The following CDCA7L variants were observed in gnomAD, a reference collection of about 807,000 sequenced individuals.
CDCA7L encodes cell division cycle associated 7 like.
Under a neutral mutation model 57.4 loss-of-function variants are expected in CDCA7L, and 44 were observed. That is an observed-to-expected ratio of 0.77 (90% confidence interval 0.60 to 0.98). The LOEUF (loss-of-function observed/expected upper bound fraction) is 0.98, where lower values mean the gene tolerates loss of function less well. Ranked by LOEUF, CDCA7L falls within the 50% of genes least tolerant of loss-of-function variation. The pLI is 0.00. For missense variants in CDCA7L, 644 were observed against 580.6 expected (o/e 1.11, Z -1.12); for synonymous variants, 236 against 202.8 (o/e 1.16, Z -1.39).
chr7:21,911,511 T>C, intron 3 of CDCA7L, 106 bp downstream of exon 3: 1 of 1,364,244 alleles, frequency 7.3e-7, no homozygotes, highest in Non-Finnish European at 9.8e-7. Flanking sequence ...GATAAATATG[T>C]AAGAAAAATC....
intron 6 of CDCA7L, among the ~76,000 whole-genome samples, chr7:21,905,984 G>T (rs902941994): frequency 1.3e-5 from 2 of 152,214 alleles, no homozygotes; most frequent in African/African-American, 4.8e-5. Context: ...AGGCAAGGAG[G>T]AATCACTGCA....
At position 21,940,973 on chromosome 7, in the gene CDCA7L, A is replaced by G. The variant is rs1340038291; in HGVS notation, c.24+4808T>C. ...ACAACATTCTTTCAGTCCAGTTATCATAAGCTTGGTTCTAACCTCAGCAAA... is the reference window on the plus strand; with the variant it reads ...ACAACATTCTTTCAGTCCAGTTATCGTAAGCTTGGTTCTAACCTCAGCAAA... On this transcript the variant is annotated intron_variant, in intron 1 of 9. Transcript: ENST00000406877. Among the ~76,000 whole-genome samples the G allele has an allele frequency of 2.0e-5, 3 of 152,244 alleles. No individual in the cohort carries two copies. The East Asian group carries it at 5.8e-4, about 29-fold the overall frequency.
In CDCA7L at chr7:21,930,783, G is replaced by C. The variant is rs1006907756; in HGVS notation, c.25-13889C>G. Among the ~76,000 whole-genome samples the C allele has an allele frequency of 2.1e-5, 3 of 145,984 alleles. No homozygotes were observed. The Admixed American group carries it at 2.1e-4, about 10-fold the overall frequency. On this transcript the variant is annotated intron_variant, in intron 1 of 9. Transcript: ENST00000406877. ...CTAGCAGAAGATAAGAAATAACTAA[G>C]ATCACAGCAGAACTGAAGGAGACAG...
chr7:21,923,053 A>G (rs890940162), intron 1 of CDCA7L, among the ~76,000 whole-genome samples: 10 of 152,260 alleles, frequency 6.6e-5, no homozygotes, highest in Non-Finnish European at 1.3e-4. Context: ...ATACAGATTC[A>G]GCTTTCCAAG....
chr7:21,908,393 T>G lies in CDCA7L; in HGVS notation c.418A>C (p.Ile140Leu). The G allele has an allele frequency of 6.2e-7, 1 of 1,608,950 alleles. No homozygotes were observed. The highest frequency in any genetic ancestry group is 8.5e-7 in the Non-Finnish European group (1 of 1,178,726). The change falls in exon 4 of 10, where the codon ATT becomes CTT. Residue 140 changes from isoleucine (I) to leucine (L), a missense_variant. Physicochemically the swap from Ile to Leu is conservative, Grantham distance 5 (BLOSUM62 2). Coordinates refer to ENST00000406877, the MANE Select transcript of CDCA7L (RefSeq NM_018719.5). ...PRRSRSRRSS[I>L]GLRVAFQFPT... is the part of the protein sequence containing the mutation. ...AACTGAAAGGCTACTCGAAGACCAA[T>G]ACTACTTCTTCTAGACCTGCTTCTT... is the stretch of plus-strand genomic sequence containing the variant.
In CDCA7L at chr7:21,904,157, G is replaced by C; in HGVS notation, c.1150C>G (p.Leu384Val). 1.9e-6 allele frequency: 3 copies of C among 1,613,284 alleles called. No individual in the cohort carries two copies. Among genetic ancestry groups the C allele is most frequent in the Non-Finnish European group, 2.5e-6 (3 of 1,179,662 alleles). Reference protein sequence around the residue: ...GVRGQFCGPCLRNRYGEDVRS... With the variant: ...GVRGQFCGPCVRNRYGEDVRS... ...ACATCCTCCCCATAGCGGTTCCGCA[G>C]GCATGGTCCACAGAACTGTCCTCGC... The change falls in exon 8 of 10, where the codon CTG (leucine) becomes GTG (valine). Residue 384 changes from leucine (L) to valine (V), a missense_variant. Leu to Val is a conservative substitution (Grantham distance 32). Transcript: ENST00000406877.
intron 1 of CDCA7L, among the ~76,000 whole-genome samples, chr7:21,925,987 C>A (rs1482513292): frequency 6.6e-6 from 1 of 152,064 alleles, no homozygotes; most frequent in Non-Finnish European, 1.5e-5. Context: ...ACCTGTAGTC[C>A]CAGCTACTTA....
chr7:21,903,171 C>A, intron 8 of CDCA7L, 57 bp from the exon 9 acceptor site: 1 of 1,554,862 alleles, frequency 6.4e-7, no homozygotes, highest in East Asian at 2.3e-5. Flanking sequence ...CTGGCAAGAA[C>A]TGGGATTCGG....
intron 1 of CDCA7L, among the ~76,000 whole-genome samples, chr7:21,930,759 TAGC>T (rs558091659): frequency 4.2e-4 from 60 of 143,444 alleles, no homozygotes; most frequent in African/African-American, 1.5e-3. Flanking sequence ...ATTCAAAAGC[TAGC>T]AGAAGATAAG....
chr7:21,932,554 G>C lies in CDCA7L; in HGVS notation c.24+13227C>G, dbSNP rs189008335. Among the ~76,000 whole-genome samples the C allele has an allele frequency of 3.9e-3, 600 of 152,244 alleles. 6 individuals are homozygous for C. The highest frequency in any genetic ancestry group is 0.013 in the African/African-American group (560 of 41,526). ...CTGACAAAAACAAGCAGTGGGGAAAGGATTCCCTATTTAATAAATGGTGCT... is the reference window on the plus strand; with the variant it reads ...CTGACAAAAACAAGCAGTGGGGAAACGATTCCCTATTTAATAAATGGTGCT... On this transcript the variant is annotated intron_variant, in intron 1 of 9. Coordinates refer to ENST00000406877, the MANE Select transcript of CDCA7L (RefSeq NM_018719.5).
intron 9 of CDCA7L, chr7:21,902,601 T>TAACTCACATTCTGTCCTC: frequency 2.0e-6 from 1 of 502,422 alleles, no homozygotes; most frequent in South Asian, 2.4e-5. Flanking sequence ...ATGAAACTTG[T>TAACTCACATTCTGTCCTC]AACTCACATT....
chr7:21,908,862 A>G (rs914981601), intron 3 of CDCA7L, among the ~76,000 whole-genome samples: 2 of 152,190 alleles, frequency 1.3e-5, no homozygotes, highest in Admixed American at 1.3e-4. Context: ...AAGGAGAGAC[A>G]GCAGCATGAC....
chr7:21,902,816 G>T, intron 9 of CDCA7L, 162 bp downstream of exon 9: 1 of 645,268 alleles, frequency 1.5e-6, no homozygotes, highest in Non-Finnish European at 2.6e-6. Flanking sequence ...AAAATATCAG[G>T]CCTGAGCTTT....
intron 2 of CDCA7L, among the ~76,000 whole-genome samples, chr7:21,915,575 A>G (rs1321061625): frequency 6.7e-6 from 1 of 150,320 alleles, no homozygotes; most frequent in Non-Finnish European, 1.5e-5. Flanking sequence ...AGGCGGGCAG[A>G]TCACCTGAGG....
chr7:21,919,083 G>A (rs1785578153), intron 1 of CDCA7L, among the ~76,000 whole-genome samples: 1 of 152,018 alleles, frequency 6.6e-6, no homozygotes. Flanking sequence ...CTCCCAAAGT[G>A]CTGGGATTAC....
chr7:21,930,594 G>A (rs1488801629), intron 1 of CDCA7L, among the ~76,000 whole-genome samples: 1 of 151,066 alleles, frequency 6.6e-6, no homozygotes, highest in African/African-American at 2.4e-5. Flanking sequence ...CCACTTGGGA[G>A]GCTGAGGCAA....
rs937883078 is a variant in CDCA7L at position 21,901,269 on chromosome 7, T to TCCTCTAG, written c.*1046_*1052dup. ...TAGAAGCGTAAGGTAACACTGGCAT[T>TCCTCTAG]CCTCTAGCCTCTGCTGGAGTGCAGT... is the stretch of plus-strand genomic sequence containing the variant. On this transcript the variant is annotated 3_prime_UTR_variant, in exon 10 of 10. Transcript: ENST00000406877. 6.3e-7 allele frequency: 1 copy of TCCTCTAG among 1,597,798 alleles called. No individual in the cohort carries two copies. Among genetic ancestry groups the TCCTCTAG allele is most frequent in the African/African-American group, 1.3e-5 (1 of 74,518 alleles).
At chr7:21,938,343 T>A (rs1480837447) in intron 1 of CDCA7L, among the ~76,000 whole-genome samples, 2 of 151,816 alleles carry the variant, frequency 1.3e-5, no homozygotes, top group African/African-American at 4.8e-5. Context: ...AAAACCACGA[T>A]GAGATACCAC....
intron 1 of CDCA7L, among the ~76,000 whole-genome samples, chr7:21,919,262 A>G (rs186129857): frequency 6.6e-6 from 1 of 152,124 alleles, no homozygotes; most frequent in Non-Finnish European, 1.5e-5. Context: ...ATTTCTAAAA[A>G]TTATTATTAA....
Sources: allele counts gnomAD v4.1 joint callset (sites outside exome capture counted in the v4.1 genomes callset), GRCh38; gene constraint gnomAD v4.1.1; transcripts MANE v1.5; gene names NCBI Gene and HGNC (gene_info 2026-07-23, HGNC 2026-07-21).